WDR25: variants seen among roughly 807,000 people sequenced by gnomAD.
WDR25 encodes WD repeat domain 25, also known as WD repeat-containing protein 25.
In WDR25, 35 loss-of-function variants were observed where a neutral mutation model predicts 47.7. The ratio of observed to expected loss-of-function variants is 0.73; its 90% CI spans 0.56 to 0.97. The LOEUF (loss-of-function observed/expected upper bound fraction) is 0.97, where lower values mean the gene tolerates loss of function less well. Ranked by LOEUF, WDR25 falls within the 50% of genes least tolerant of loss-of-function variation. WDR25 has a pLI of 0.00. For synonymous variants in WDR25, 248 were observed against 278.9 expected (o/e 0.89, Z 1.10); for missense variants, 634 against 704.7 (o/e 0.90, Z 1.14).
In WDR25 at chr14:100,529,623, T is replaced by G; in HGVS notation, c.1414-197T>G. On this transcript the variant is annotated intron_variant, in intron 6 of 6. Transcript: ENST00000402312. This position sits in a 1 kb window ranked among gnomAD's most constrained non-coding sequence, Gnocchi z 5.1. ...GCTGGTCCCGCTGGATCTGCTGAAC[T>G]GGCCTTGGGATGTGGGCCCGCATCA... The G allele has an allele frequency of 1.6e-6, 1 of 641,302 alleles. No homozygotes were observed. The highest frequency in any genetic ancestry group is 2.7e-6 in the Non-Finnish European group (1 of 375,370). 39.7% of individuals were successfully genotyped at this position (641,302 alleles called of 1,614,324 possible).
chr14:100,415,801 G>T (rs1406035192), intron 2 of WDR25, among the ~76,000 whole-genome samples: 1 of 152,176 alleles, frequency 6.6e-6, no homozygotes, highest in Non-Finnish European at 1.5e-5. Flanking sequence ...TTCAGTCTCT[G>T]ACCCAGGGAT....
At position 100,381,907 on chromosome 14, in the gene WDR25, C is replaced by T. The variant is rs537967268; in HGVS notation, c.822+161C>T. 5.6e-5 allele frequency: 38 copies of T among 673,354 alleles called. No individual in the cohort carries two copies. In the Middle Eastern group the frequency reaches 1.0e-3, roughly 18 times the overall value. The allele number at this position is 673,354 out of a possible 1,614,324, so 41.7% of individuals were successfully genotyped here. A position where few individuals can be genotyped will look rare whatever the true frequency, so the allele number is the denominator to read the frequency against. On this transcript the variant is annotated intron_variant, in intron 2 of 6. Transcript: ENST00000402312. ...AGAAAGGGTCATCTGTGGTCAGCTCCGGGTTGTGGGTTCCTTCTGCCCCAA... is the reference window on the plus strand; with the variant it reads ...AGAAAGGGTCATCTGTGGTCAGCTCTGGGTTGTGGGTTCCTTCTGCCCCAA...
chr14:100,462,014 T>A (rs1899431517), intron 2 of WDR25, among the ~76,000 whole-genome samples: 1 of 152,202 alleles, frequency 6.6e-6, no homozygotes, highest in Non-Finnish European at 1.5e-5. Flanking sequence ...ATTTTGTTTT[T>A]GCACTTCTGT....
At chr14:100,466,074 G>T (rs1899618434) in intron 2 of WDR25, among the ~76,000 whole-genome samples, 1 of 151,988 alleles carries the variant, frequency 6.6e-6, no homozygotes, top group Admixed American at 6.6e-5. Flanking sequence ...ACATATTTTT[G>T]GAAAACAGCA....
intron 2 of WDR25, chr14:100,382,280 C>T (rs576674089): frequency 4.5e-5 from 30 of 662,790 alleles, no homozygotes; most frequent in Admixed American, 2.6e-4. Flanking sequence ...GGGAGCCCAA[C>T]GGGAGGGTTA....
intron 4 of WDR25, among the ~76,000 whole-genome samples, chr14:100,496,828 C>CTTTTTTTTTTTTTTT (rs1226765543): frequency 1.1e-4 from 8 of 73,422 alleles, no homozygotes; most frequent in Non-Finnish European, 1.7e-4. Flanking sequence ...TTCTTTAATT[C>CTTTTTTTTTTTTTTT]TTTTTTTTTT....
intron 2 of WDR25, among the ~76,000 whole-genome samples, chr14:100,386,412 A>G (rs1234815576): frequency 6.6e-6 from 1 of 152,154 alleles, no homozygotes; most frequent in Non-Finnish European, 1.5e-5. Flanking sequence ...GTGTAAGGGG[A>G]ATTTTTCTAC....
intron 2 of WDR25, among the ~76,000 whole-genome samples, chr14:100,427,589 A>C (rs1898206788): frequency 6.6e-6 from 1 of 152,160 alleles, no homozygotes; most frequent in Non-Finnish European, 1.5e-5. Context: ...TCCAGGCAGG[A>C]GCCGGGGGTG....
chr14:100,381,889 G>T, intron 2 of WDR25, 143 bp downstream of exon 2: 1 of 710,194 alleles, frequency 1.4e-6, no homozygotes, highest in Non-Finnish European at 2.3e-6. Context: ...TCCAGAAAGG[G>T]TCATCTGTGG....
chr14:100,480,240 C>G (rs1900154467), intron 3 of WDR25, among the ~76,000 whole-genome samples: 1 of 152,178 alleles, frequency 6.6e-6, no homozygotes, highest in African/African-American at 2.4e-5. Flanking sequence ...AGTCCCTTCT[C>G]CATACGGGTT....
intron 4 of WDR25, among the ~76,000 whole-genome samples, chr14:100,508,312 A>G (rs1002518587): frequency 2.0e-5 from 3 of 152,224 alleles, no homozygotes; most frequent in Non-Finnish European, 4.4e-5. Context: ...CCCACAGCCA[A>G]CTTCATACTG....
At chr14:100,421,261 T>C (rs550645670) in intron 2 of WDR25, among the ~76,000 whole-genome samples, 3 of 152,314 alleles carry the variant, frequency 2.0e-5, no homozygotes, top group African/African-American at 4.8e-5. Flanking sequence ...TATCCTTTGC[T>C]CTCTCCTTGA....
At position 100,449,454 on chromosome 14, in the gene WDR25, G is replaced by A. The variant is rs568576793; in HGVS notation, c.823-18567G>A. On this transcript the variant is annotated intron_variant, in intron 2 of 6. Coordinates refer to ENST00000402312, the MANE Select transcript of WDR25 (RefSeq NM_001161476.3). The surrounding 1 kb of genome is among the most constrained non-coding windows in gnomAD (Gnocchi z 4.2). ...TTCTGAGAGTGGTCACCTCTATTCC[G>A]GGGCCCTGCCCTGGCTGGCTGTTGC... Among the ~76,000 whole-genome samples the A allele has an allele frequency of 3.3e-5, 5 of 152,296 alleles. No individual in the cohort carries two copies. Among genetic ancestry groups the A allele is most frequent in the South Asian group, 2.1e-4 (1 of 4,826 alleles).
intron 2 of WDR25, among the ~76,000 whole-genome samples, chr14:100,420,033 C>T (rs1897981630): frequency 6.6e-6 from 1 of 152,236 alleles, no homozygotes; most frequent in Non-Finnish European, 1.5e-5. Flanking sequence ...CGGGTGCTCG[C>T]AGGGCCCACC....
intron 2 of WDR25, among the ~76,000 whole-genome samples, chr14:100,419,429 A>T (rs1897967791): frequency 6.6e-6 from 1 of 152,192 alleles, no homozygotes; most frequent in African/African-American, 2.4e-5. Flanking sequence ...TTTCATGAGC[A>T]GATGATGACC....
intron 4 of WDR25, among the ~76,000 whole-genome samples, chr14:100,496,898 T>C (rs917227847): frequency 6.8e-6 from 1 of 146,852 alleles, no homozygotes; most frequent in African/African-American, 2.5e-5. Flanking sequence ...TGTAGTGGTA[T>C]GATTTTGGCT....
At chr14:100,405,416 C>T (rs1897507097) in intron 2 of WDR25, among the ~76,000 whole-genome samples, 1 of 152,264 alleles carries the variant, frequency 6.6e-6, no homozygotes, top group South Asian at 2.1e-4. Flanking sequence ...CCGCCTCAGC[C>T]TCCCAAAGTG....
intron 2 of WDR25, among the ~76,000 whole-genome samples, chr14:100,466,885 A>G (rs1240510195): frequency 6.6e-6 from 1 of 152,146 alleles, no homozygotes; most frequent in Admixed American, 6.5e-5. Flanking sequence ...GACATATTCC[A>G]AACTCTCCGG....
chr14:100,481,282 A>G (rs1223093800), intron 3 of WDR25: 26 of 767,454 alleles, frequency 3.4e-5, no homozygotes, highest in Non-Finnish European at 5.4e-5. Context: ...ATAGAATACC[A>G]TATACCATGT....
Sources: allele counts gnomAD v4.1 joint callset (sites outside exome capture counted in the v4.1 genomes callset), GRCh38; gene constraint gnomAD v4.1.1; non-coding constraint Gnocchi (gnomAD v3.1); transcripts MANE v1.5; gene names NCBI Gene and HGNC (gene_info 2026-07-23, HGNC 2026-07-21).